Variants in ZRANB1 observed in about 807,000 individuals in gnomAD.
ZRANB1 encodes the protein ubiquitin thioesterase ZRANB1.
A neutral mutation model predicts 80.5 loss-of-function variants in ZRANB1; 16 were observed. That is an observed-to-expected ratio of 0.20 (90% CI 0.13 to 0.30). The LOEUF (loss-of-function observed/expected upper bound fraction) is 0.30, where lower values mean the gene tolerates loss of function less well. ZRANB1 is among the 10% of genes least tolerant of loss of function. ZRANB1 has a pLI of 1.00. For missense variants in ZRANB1, 576 were observed against 862.6 expected, an observed-to-expected ratio of 0.67 and a Z score of 4.16; for synonymous variants, 291 against 293.1, an observed-to-expected ratio of 0.99 and a Z score of 0.07.
intron 2 of ZRANB1, among the ~76,000 whole-genome samples, 191 bp downstream of exon 2, chr10:124,966,972 T>G (rs1359477911): frequency 1.3e-5 from 2 of 152,236 alleles, no homozygotes; most frequent in African/African-American, 4.8e-5. Context: ...ATTTGAATAG[T>G]CACAACAATG....
rs1229767152 is a variant in ZRANB1, at chr10:124,987,128, T to C, written c.*2136T>C. On this transcript the variant is annotated 3_prime_UTR_variant, in exon 9 of 9. Coordinates refer to ENST00000359653, the MANE Select transcript of ZRANB1 (RefSeq NM_017580.3). ...TAGACTGGCTGTTAAAGGCCAAAAA[T>C]TTTGGTAAATCAATGCTATATTATG... is the stretch of plus-strand genomic sequence containing the variant. 6.6e-6 allele frequency: 1 copy of C among 152,538 alleles called. No homozygotes were observed. The highest frequency in any genetic ancestry group is 1.5e-5 in the Non-Finnish European group (1 of 68,016). The allele number at this position is 152,538 out of a possible 1,614,324, so 9.4% of individuals were successfully genotyped here. A position where few individuals can be genotyped will look rare whatever the true frequency, so the allele number is the denominator to read the frequency against.
intron 4 of ZRANB1, 48 bp downstream of exon 4, chr10:124,973,764 A>G (rs1289369894): frequency 6.4e-7 from 1 of 1,559,976 alleles, no homozygotes; most frequent in Non-Finnish European, 8.7e-7. Flanking sequence ...CTGATCAAGT[A>G]AGTTTTGTTT....
chr10:124,970,299 C>G (rs1951811721), intron 2 of ZRANB1, among the ~76,000 whole-genome samples: 2 of 152,012 alleles, frequency 1.3e-5, no homozygotes, highest in Admixed American at 1.3e-4. Context: ...GACAGACTTT[C>G]TCTCTGTTGC....
At chr10:124,957,579 C>T (rs968481633) in intron 1 of ZRANB1, among the ~76,000 whole-genome samples, 3 of 152,166 alleles carry the variant, frequency 2.0e-5, no homozygotes, top group African/African-American at 7.2e-5. Flanking sequence ...CCTCCAGCCC[C>T]TGACAACTGT....
chr10:124,975,251 G>A (rs1442243952), intron 5 of ZRANB1, among the ~76,000 whole-genome samples: 2 of 152,106 alleles, frequency 1.3e-5, no homozygotes, highest in African/African-American at 2.4e-5. Context: ...ATAGATCCTG[G>A]TATTTTCTTC....
the ZRANB1 span, among the ~76,000 whole-genome samples, chr10:124,926,504 G>A: frequency 6.6e-6 from 1 of 152,108 alleles, no homozygotes; most frequent in Admixed American, 6.6e-5. Context: ...TCTTCCACCT[G>A]TACATCTTGT....
rs1418013177 is a variant in ZRANB1, at chr10:124,986,283, G to GCACACACACACA, written c.*1292_*1293insACACACACACAC. On this transcript the variant is annotated 3_prime_UTR_variant, in exon 9 of 9. Transcript: ENST00000359653. ...ATTTGGAAAGACGACACACGCACGC[G>GCACACACACACA]CGCGCGCGCACACACACACACACAC... 4.4e-5 allele frequency: 2 copies of GCACACACACACA among 45,374 alleles called. No individual in the cohort carries two copies. Among genetic ancestry groups the GCACACACACACA allele is most frequent in the Non-Finnish European group, 1.2e-4 (2 of 16,462 alleles). 2.8% of individuals were successfully genotyped at this position (45,374 alleles called of 1,614,324 possible). A position where few individuals can be genotyped will look rare whatever the true frequency, so the allele number is the denominator to read the frequency against.
At chr10:124,923,863 C>T in the ZRANB1 span, among the ~76,000 whole-genome samples, 589 of 151,774 alleles carry the variant, frequency 3.9e-3, 2 homozygotes, top group Non-Finnish European at 5.1e-3. Context: ...ATGGGGATTA[C>T]AGTTGGCAAT....
intron 3 of ZRANB1, among the ~76,000 whole-genome samples, chr10:124,973,336 G>C (rs1013725022): frequency 2.6e-5 from 4 of 151,868 alleles, no homozygotes; most frequent in African/African-American, 9.7e-5. Flanking sequence ...TATATTTTTT[G>C]TATAGAGACA....
At chr10:124,918,230 A>G in the ZRANB1 span, among the ~76,000 whole-genome samples, 1 of 152,068 alleles carries the variant, frequency 6.6e-6, no homozygotes, top group East Asian at 1.9e-4. Context: ...CCCCCTTGTT[A>G]CCCAGGCTGG....
the ZRANB1 span, among the ~76,000 whole-genome samples, chr10:124,930,346 GCCT>G: frequency 6.6e-6 from 1 of 152,048 alleles, no homozygotes; most frequent in Non-Finnish European, 1.5e-5. Flanking sequence ...GCTCACTGCA[GCCT>G]CCTCCTCCTG....
At position 124,943,041 on chromosome 10, in the gene ZRANB1, T is replaced by C; in HGVS notation, c.548T>C (p.Ile183Thr). ...CCCAGACCTAATAACATTGAAGCAA[T>C]AGAATTGGCAGAGACTGAAGAGGCT... The part of the protein sequence containing the change: ...DHPRPNNIEA[I>T]ELAETEEASS... The change falls in exon 1 of 9, where the codon ATA becomes ACA. Residue 183 changes from isoleucine (I) to threonine (T), a missense_variant. Physicochemically the swap from Ile to Thr is moderately conservative, Grantham distance 89 (BLOSUM62 -1). Coordinates refer to ENST00000359653, the MANE Select transcript of ZRANB1 (RefSeq NM_017580.3). 3 of 1,614,108 alleles carry C rather than the reference T, an allele frequency of 1.9e-6. No individual in the cohort carries two copies. The highest frequency in any genetic ancestry group is 2.5e-6 in the Non-Finnish European group (3 of 1,180,030).
rs1371683122 is a variant in ZRANB1, at chr10:124,987,594, TTGTTCCCTGGGGTAATAGG to T, written c.*2604_*2622del. 1 of 152,186 alleles carries T rather than the reference TTGTTCCCTGGGGTAATAGG, an allele frequency of 6.6e-6. No homozygotes were observed. The highest frequency in any genetic ancestry group is 1.9e-4 in the East Asian group (1 of 5,194). The allele number at this position is 152,186 out of a possible 1,614,324, so 9.4% of individuals were successfully genotyped here. On this transcript the variant is annotated 3_prime_UTR_variant, in exon 9 of 9. Coordinates refer to ENST00000359653, the MANE Select transcript of ZRANB1 (RefSeq NM_017580.3). ...GTTACGAAGACGTTAAACTACCTTT[TTGTTCCCTGGGGTAATAGG>T]TCAGTAACTATGAGCGCCGTCTCTC...
At chr10:124,968,836 G>A (rs975405834) in intron 2 of ZRANB1, among the ~76,000 whole-genome samples, 5 of 152,158 alleles carry the variant, frequency 3.3e-5, no homozygotes, top group Non-Finnish European at 5.9e-5. Flanking sequence ...GATGATGATC[G>A]AACATCAGTA....
chr10:124,972,528 A>G (rs191890157), intron 3 of ZRANB1, among the ~76,000 whole-genome samples: 1 of 152,342 alleles, frequency 6.6e-6, no homozygotes, highest in Admixed American at 6.5e-5. Context: ...GGATTAGAAC[A>G]TGAGCTTTTG....
intron 3 of ZRANB1, 74 bp from the exon 4 acceptor site, chr10:124,973,568 TTAA>T: frequency 7.8e-7 from 1 of 1,277,696 alleles, no homozygotes; most frequent in South Asian, 1.3e-5. Context: ...TAGTAGGTAA[TTAA>T]TAAGTGTAAT....
intron 1 of ZRANB1, among the ~76,000 whole-genome samples, chr10:124,947,005 T>C (rs113132515): frequency 1.6e-4 from 24 of 152,332 alleles, no homozygotes; most frequent in African/African-American, 5.8e-4. Context: ...AATTGCAACC[T>C]CAGGTCAGCT....
At chr10:124,981,568 AC>A in intron 5 of ZRANB1, 140 bp from the exon 6 acceptor site, 1 of 766,580 alleles carries the variant, frequency 1.3e-6, no homozygotes, top group East Asian at 3.1e-5. Context: ...TTAGAAAAAT[AC>A]ATTACCAACC....
At chr10:124,978,503 G>T (rs1951900644) in intron 5 of ZRANB1, among the ~76,000 whole-genome samples, 1 of 152,190 alleles carries the variant, frequency 6.6e-6, no homozygotes, top group Non-Finnish European at 1.5e-5. Context: ...GCTGACTCAG[G>T]TTCTCAAGTC....
Sources: gnomAD v4.1 joint callset for allele counts (sites outside exome capture counted in the v4.1 genomes callset) on GRCh38, gnomAD v4.1.1 for gene constraint, MANE v1.5 for transcripts, NCBI Gene and HGNC (gene_info 2026-07-23, HGNC 2026-07-21) for gene names.